The following GUCD1 variants were observed in gnomAD, a reference collection of about 807,000 sequenced individuals.
GUCD1 encodes protein GUCD1.
In GUCD1, 17 loss-of-function variants were observed where a neutral mutation model predicts 28.3. The ratio of observed to expected loss-of-function variants is 0.60; its 90% CI spans 0.41 to 0.90. The LOEUF (loss-of-function observed/expected upper bound fraction) is 0.90, where lower values mean the gene tolerates loss of function less well. Among genes scored for constraint, GUCD1 ranks in the 40% least tolerant of loss-of-function variants. The pLI is 0.00. For missense variants in GUCD1, 279 were observed against 305.5 expected (o/e 0.91, Z 0.65); for synonymous variants, 129 against 123.3 (o/e 1.05, Z -0.30).
intron 5 of GUCD1, 52 bp from the exon 6 acceptor site, chr22:24,543,149 C>A (rs770685793): frequency 7.8e-7 from 1 of 1,289,590 alleles, no homozygotes; most frequent in Non-Finnish European, 1.1e-6. Flanking sequence ...GAGAGAGCAC[C>A]TACACCACCG....
At chr22:24,551,677 G>C (rs1053528251) in intron 1 of GUCD1, among the ~76,000 whole-genome samples, 1 of 147,384 alleles carries the variant, frequency 6.8e-6, no homozygotes, top group African/African-American at 2.6e-5. Context: ...AGGTTTTTCT[G>C]ACTAAGCCTT....
intron 3 of GUCD1, chr22:24,547,608 C>A (rs1365342320): frequency 5.5e-6 from 2 of 360,588 alleles, no homozygotes; most frequent in Non-Finnish European, 5.2e-6. Context: ...GTGCTGAGGA[C>A]AGTAGGAAAG....
chr22:24,555,547 C>G (rs1156625706), upstream of GUCD1: 4 of 1,494,868 alleles, frequency 2.7e-6, no homozygotes, highest in East Asian at 9.9e-5. Context: ...CCTGAGCGGG[C>G]AGCCGCTCTA....
Position 24,543,980 on chromosome 22 carries a change from C to A in GUCD1, c.490G>T (p.Val164Phe), listed in dbSNP as rs745946993. The change falls in exon 5 of 6, where the codon GTC becomes TTC. Residue 164 changes from valine (V) to phenylalanine (F), a missense_variant. Val to Phe is a conservative substitution (Grantham distance 50). Coordinates refer to ENST00000435822, the MANE Select transcript of GUCD1 (RefSeq NM_001284254.2). ...CTGGGGGTGAAGCAGCAGTACTTGA[C>A]AGGGCTGGAGCACAGGTCACAGTGC... ...VLHCDLCSSP[V>F]KYCCFTPSGH... 1.2e-5 allele frequency: 20 copies of A among 1,613,916 alleles called. No homozygotes were observed. The highest frequency in any genetic ancestry group is 1.6e-5 in the Non-Finnish European group (19 of 1,179,988).
rs1389212901 is a variant in GUCD1, at chr22:24,543,085, G to A, written c.641C>T (p.Thr214Ile). ...NPAYADRMCSTSISNFEEART... is the reference protein window; with the variant it reads ...NPAYADRMCSISISNFEEART... ...GGCCTCCTCAAAGTTACTGATGCTG[G>A]TGCTGCACATTCCTGCTGGGGGTGG... Residue 214 changes from threonine (T) to isoleucine (I), a missense_variant, in exon 6 of 6, where the codon ACC (threonine) becomes ATC (isoleucine). By Grantham distance (89) the Thr-to-Ile change is moderately conservative. Coordinates refer to ENST00000435822, the MANE Select transcript of GUCD1 (RefSeq NM_001284254.2). The A allele has an allele frequency of 2.8e-5, 45 of 1,613,730 alleles. No individual in the cohort carries two copies. Among genetic ancestry groups the A allele is most frequent in the Non-Finnish European group, 3.6e-5 (43 of 1,179,770 alleles).
rs1331456056 is a variant in GUCD1, at chr22:24,542,949, G to A, written c.*57C>T. ...AAGCCTGGGCCAGGGCATCCTGAGC[G>A]GGCCCGGCTGGGGTGGGGATGGGGT... is the stretch of plus-strand genomic sequence containing the variant. On this transcript the variant is annotated 3_prime_UTR_variant, in exon 6 of 6. Transcript: ENST00000435822. The A allele has an allele frequency of 2.5e-5, 32 of 1,280,834 alleles. No individual in the cohort carries two copies. Among genetic ancestry groups the A allele is most frequent in the South Asian group, 3.6e-5 (3 of 84,212 alleles). The allele number at this position is 1,280,834 out of a possible 1,614,324, so 79.3% of individuals were successfully genotyped here.
At chr22:24,555,446 T>C (rs2045032434), upstream of GUCD1, 2 of 1,140,308 alleles carry the variant, frequency 1.8e-6, no homozygotes, top group Non-Finnish European at 2.4e-6. Flanking sequence ...CGGGTCCCGC[T>C]CTTTTGCCAG....
rs2044775435 is a variant in GUCD1 at position 24,548,031 on chromosome 22, C to G, written c.171G>C (p.Leu57=). Reference sequence around the variant, plus strand: ...TGCTCCTGGTCAGCTGCAGCTTCTGCAGGGCTCTCTCAAACTCACTGTCGT... The same window carrying G: ...TGCTCCTGGTCAGCTGCAGCTTCTGGAGGGCTCTCTCAAACTCACTGTCGT... ...QLDDSEFERA[L]QKLQLTRSIW... The change falls in exon 3 of 6, where the codon CTG becomes CTC. Residue 57 remains leucine, a synonymous_variant. Transcript: ENST00000435822. The G allele has an allele frequency of 6.2e-7, 1 of 1,614,136 alleles. No homozygotes were observed. Among genetic ancestry groups the G allele is most frequent in the Non-Finnish European group, 8.5e-7 (1 of 1,180,008 alleles).
rs745654256 is a variant in GUCD1, at chr22:24,554,958, G to A, written c.34C>T (p.Leu12Phe). The A allele has an allele frequency of 6.4e-7, 1 of 1,570,126 alleles. No individual in the cohort carries two copies. Among genetic ancestry groups the A allele is most frequent in the South Asian group, 1.1e-5 (1 of 87,964 alleles). ...ACAGAGAGGCACTGACCGGGCTCGAGCGGCGGCCCCGCTGCCTCCGCCTCC... is the reference window on the plus strand; with the variant it reads ...ACAGAGAGGCACTGACCGGGCTCGAACGGCGGCCCCGCTGCCTCCGCCTCC... ...RTEAEAAGPP[L>F]EPGDFVQLPV... The change falls in exon 1 of 6, where the codon CTC becomes TTC. Residue 12 changes from leucine to phenylalanine, a missense_variant. By Grantham distance (22) the Leu-to-Phe change is conservative. Coordinates refer to ENST00000435822, the MANE Select transcript of GUCD1 (RefSeq NM_001284254.2).
In GUCD1 at chr22:24,541,300, A is replaced by C. The variant is rs903856459; in HGVS notation, c.*1706T>G. On this transcript the variant is annotated 3_prime_UTR_variant, in exon 6 of 6. Transcript: ENST00000435822. The stretch of plus-strand genomic sequence containing the variant: ...GCGGGGGCACAGCTGCCACCATGCC[A>C]TGCCTTGGGCATTGGAAGAGCAGGA... The C allele has an allele frequency of 6.6e-6, 1 of 152,476 alleles. No homozygotes were observed. The highest frequency in any genetic ancestry group is 6.5e-5 in the Admixed American group (1 of 15,276). 9.4% of individuals were successfully genotyped at this position (152,476 alleles called of 1,614,324 possible).
intron 1 of GUCD1, among the ~76,000 whole-genome samples, chr22:24,552,738 A>C (rs55639250): frequency 1.3e-5 from 2 of 151,546 alleles, no homozygotes; most frequent in South Asian, 4.2e-4. Context: ...CCACTGCACT[A>C]CAGCCTGGGC....
At chr22:24,553,045 C>T (rs1161019570) in intron 1 of GUCD1, among the ~76,000 whole-genome samples, 1 of 152,190 alleles carries the variant, frequency 6.6e-6, no homozygotes, top group Non-Finnish European at 1.5e-5. Context: ...AAGCCCTGAC[C>T]CCTAGGGACT....
chr22:24,555,604 G>A (rs1569021586), upstream of GUCD1: 41 of 1,550,280 alleles, frequency 2.6e-5, no homozygotes, highest in Admixed American at 3.9e-5. Context: ...CTCACTCAGG[G>A]CCCCCCTTAC....
chr22:24,549,121 C>T (rs1480890409), intron 1 of GUCD1, 120 bp from the exon 2 acceptor site: 7 of 637,726 alleles, frequency 1.1e-5, no homozygotes, highest in African/African-American at 3.7e-5. Flanking sequence ...AGGGACCTTC[C>T]CACAATCCTT....
intron 1 of GUCD1, 80 bp from the exon 2 acceptor site, chr22:24,549,081 C>G: frequency 1.0e-6 from 1 of 984,782 alleles, no homozygotes; most frequent in Non-Finnish European, 1.6e-6. Flanking sequence ...AGTGTCACTG[C>G]CTCCTGCCTA....
At chr22:24,555,465 G>A (rs1285436742), upstream of GUCD1, 2 of 1,164,860 alleles carry the variant, frequency 1.7e-6, no homozygotes, top group Non-Finnish European at 2.4e-6. Flanking sequence ...AGTCCTAGGT[G>A]TAAGCCCTGA....
chr22:24,548,037 T>C lies in GUCD1; in HGVS notation c.165A>G (p.Arg55=). ...TGGTCAGCTGCAGCTTCTGCAGGGC[T>C]CTCTCAAACTCACTGTCGTCCAGCT... The part of the protein sequence containing the change: ...LGQLDDSEFE[R]ALQKLQLTRS... Residue 55 remains arginine (R), a synonymous_variant, in exon 3 of 6, where the codon AGA becomes AGG. Coordinates refer to ENST00000435822, the MANE Select transcript of GUCD1 (RefSeq NM_001284254.2). 1 of 1,613,946 alleles carries C rather than the reference T, an allele frequency of 6.2e-7. No individual in the cohort carries two copies. The highest frequency in any genetic ancestry group is 8.5e-7 in the Non-Finnish European group (1 of 1,179,906).
In GUCD1 at chr22:24,549,021, G is replaced by C; in HGVS notation, c.44-20C>G. 1.3e-6 allele frequency: 2 copies of C among 1,540,062 alleles called. No individual in the cohort carries two copies. The highest frequency in any genetic ancestry group is 1.8e-6 in the Non-Finnish European group (2 of 1,133,418). ...AGTCCCCTGTGCAGAAACAGAGGGA[G>C]GTCACAGACCCTCAGCGCAGAGCCC... On this transcript the variant is annotated intron_variant, in intron 1 of 5. Coordinates refer to ENST00000435822, the MANE Select transcript of GUCD1 (RefSeq NM_001284254.2).
At chr22:24,554,851 G>C in intron 1 of GUCD1, 98 bp downstream of exon 1, 2 of 908,040 alleles carry the variant, frequency 2.2e-6, no homozygotes, top group Non-Finnish European at 3.4e-6. Context: ...GGCGAGGCGG[G>C]AGTCGGCCCA....
Sources: gnomAD v4.1 joint callset for allele counts (sites outside exome capture counted in the v4.1 genomes callset) on GRCh38, gnomAD v4.1.1 for gene constraint, MANE v1.5 for transcripts, NCBI Gene and HGNC (gene_info 2026-07-23, HGNC 2026-07-21) for gene names.